The following MAF variants were observed in gnomAD, a reference collection of about 807,000 sequenced individuals.
The protein encoded by MAF is MAF bZIP transcription factor.
MAF carries 10 observed loss-of-function variants against 22.0 expected under a neutral mutation model. The ratio of observed to expected loss-of-function variants is 0.45; its 90% confidence interval spans 0.28 to 0.77. The LOEUF is 0.77. Among genes scored for constraint, MAF ranks in the 30% least tolerant of loss-of-function variants. The pLI is 0.12. For synonymous variants in MAF, 337 were observed against 255.8 expected, an observed-to-expected ratio of 1.32 and a Z score of -3.03; for missense variants, 544 against 548.4, an observed-to-expected ratio of 0.99 and a Z score of 0.08.
the MAF span, among the ~76,000 whole-genome samples, chr16:79,249,595 G>T: frequency 6.6e-6 from 1 of 152,066 alleles, no homozygotes; most frequent in Non-Finnish European, 1.5e-5. Flanking sequence ...AATCTCTATT[G>T]TTTATAAATT....
the MAF span, chr16:79,516,382 C>T: frequency 1.3e-5 from 2 of 152,148 alleles, no homozygotes; most frequent in African/African-American, 4.8e-5. Context: ...GGGAAAACTG[C>T]TGTGTGCTAT....
At chr16:79,210,988 A>C in the MAF span, among the ~76,000 whole-genome samples, 1 of 151,386 alleles carries the variant, frequency 6.6e-6, no homozygotes, top group South Asian at 2.1e-4. Context: ...GATCTGGATG[A>C]ATTAATGTGT....
the MAF span, among the ~76,000 whole-genome samples, chr16:79,305,940 A>G: frequency 2.0e-5 from 3 of 152,062 alleles, no homozygotes; most frequent in Non-Finnish European, 4.4e-5. Context: ...CTTGTATTAG[A>G]CCCTGGGCTC....
At chr16:79,425,608 A>C in the MAF span, among the ~76,000 whole-genome samples, 1 of 152,076 alleles carries the variant, frequency 6.6e-6, no homozygotes, top group African/African-American at 2.4e-5. Context: ...CATCATTAAA[A>C]CCAAACCAAA....
the MAF span, among the ~76,000 whole-genome samples, chr16:79,270,285 TC>T: frequency 6.6e-6 from 1 of 152,138 alleles, no homozygotes; most frequent in African/African-American, 2.4e-5. Context: ...GGGGGCTTTT[TC>T]TTTGCTGGCT....
the MAF span, among the ~76,000 whole-genome samples, chr16:79,265,427 G>A: frequency 3.7e-4 from 57 of 152,050 alleles, no homozygotes; most frequent in African/African-American, 8.0e-4. Context: ...CCAGGGTCCC[G>A]AATAAGTGAC....
the MAF span, among the ~76,000 whole-genome samples, chr16:79,504,994 C>G: frequency 6.6e-6 from 1 of 152,050 alleles, no homozygotes; most frequent in African/African-American, 2.4e-5. Context: ...TGGAGTATGC[C>G]CTCATCTGCA....
chr16:79,270,738 G>A, the MAF span, among the ~76,000 whole-genome samples: 1 of 152,132 alleles, frequency 6.6e-6, no homozygotes, highest in Non-Finnish European at 1.5e-5. Context: ...TGAAGTCCAG[G>A]CTTGGAAGGC....
the MAF span, among the ~76,000 whole-genome samples, chr16:79,504,216 G>C: frequency 6.6e-6 from 1 of 152,150 alleles, no homozygotes; most frequent in South Asian, 2.1e-4. Context: ...ACCATTTTTA[G>C]AAAGAAGGAG....
chr16:79,422,329 G>A, the MAF span, among the ~76,000 whole-genome samples: 14 of 152,276 alleles, frequency 9.2e-5, no homozygotes, highest in South Asian at 6.2e-4. Context: ...CTTTCTGCAC[G>A]GGCCAGAGGT....
the MAF span, among the ~76,000 whole-genome samples, chr16:79,502,708 A>AATATAAATATAAATAT: frequency 3.5e-4 from 12 of 33,944 alleles, no homozygotes; most frequent in Admixed American, 5.4e-4. Flanking sequence ...TATAAATATA[A>AATATAAATATAAATAT]ATATATATAT....
At chr16:79,489,106 T>C in the MAF span, among the ~76,000 whole-genome samples, 1 of 152,210 alleles carries the variant, frequency 6.6e-6, no homozygotes, top group South Asian at 2.1e-4. Context: ...CATCCATCCA[T>C]CTATCCATCC....
At chr16:79,526,575 T>C in the MAF span, among the ~76,000 whole-genome samples, 1 of 152,220 alleles carries the variant, frequency 6.6e-6, no homozygotes, top group African/African-American at 2.4e-5. Flanking sequence ...CACCTGGTTT[T>C]AACTATCAGG....
At chr16:79,411,009 A>C in the MAF span, among the ~76,000 whole-genome samples, 1 of 152,132 alleles carries the variant, frequency 6.6e-6, no homozygotes, top group African/African-American at 2.4e-5. Context: ...AAATGCCCTC[A>C]CTAGTTCCAT....
chr16:79,437,267 G>C, the MAF span, among the ~76,000 whole-genome samples: 7 of 151,998 alleles, frequency 4.6e-5, no homozygotes, highest in East Asian at 1.4e-3. Flanking sequence ...CGCTTGTGTT[G>C]CAATCCTAGC....
chr16:79,564,562 G>C, the MAF span, among the ~76,000 whole-genome samples: 28 of 152,320 alleles, frequency 1.8e-4, no homozygotes, highest in African/African-American at 6.7e-4. Flanking sequence ...TGTTTACAAA[G>C]TACTGTCACC....
At chr16:79,315,559 G>A in the MAF span, among the ~76,000 whole-genome samples, 5 of 152,186 alleles carry the variant, frequency 3.3e-5, no homozygotes, top group Admixed American at 3.3e-4. Context: ...CCATTTTACA[G>A]ACGGGGAAAA....
At chr16:79,353,372 G>A in the MAF span, among the ~76,000 whole-genome samples, 3 of 152,056 alleles carry the variant, frequency 2.0e-5, no homozygotes, top group Non-Finnish European at 2.9e-5. Context: ...CAAGTGATCC[G>A]CCTGCCTCGG....
chr16:79,294,021 C>T, the MAF span, among the ~76,000 whole-genome samples: 4 of 152,264 alleles, frequency 2.6e-5, no homozygotes, highest in South Asian at 2.1e-4. Flanking sequence ...TAAGATACCA[C>T]GATTGTGCAA....
Sources: allele counts gnomAD v4.1 joint callset (sites outside exome capture counted in the v4.1 genomes callset), GRCh38; gene constraint gnomAD v4.1.1; transcripts MANE v1.5; gene names NCBI Gene and HGNC (gene_info 2026-07-23, HGNC 2026-07-21).